Variants in VEPH1 observed in about 807,000 individuals in gnomAD.
VEPH1 encodes the protein ventricular zone-expressed PH domain-containing protein homolog 1.
Under a neutral mutation model 85.2 loss-of-function variants are expected in VEPH1, and 80 were observed. The ratio of observed to expected loss-of-function variants is 0.94; its 90% CI spans 0.78 to 1.13. VEPH1 has a LOEUF of 1.13. Among genes scored for constraint, VEPH1 ranks in the 50% most tolerant of loss-of-function variants. The pLI is 0.00. For synonymous variants in VEPH1, 297 were observed against 348.0 expected, an observed-to-expected ratio of 0.85 and a Z score of 1.63; for missense variants, 955 against 980.5, an observed-to-expected ratio of 0.97 and a Z score of 0.35.
At position 157,417,554 on chromosome 3, in the gene VEPH1, T is replaced by A. The variant is rs116345445; in HGVS notation, c.697-3464A>T. ...AATTTCTCATGGCCCATGGCCAAAATTCCAATGCTGTGGTATTCCAGATTC... is the reference window on the plus strand; with the variant it reads ...AATTTCTCATGGCCCATGGCCAAAAATCCAATGCTGTGGTATTCCAGATTC... On this transcript the variant is annotated intron_variant, in intron 5 of 13. Transcript: ENST00000362010. Among the ~76,000 whole-genome samples the A allele has an allele frequency of 2.5e-3, 378 of 152,308 alleles. 1 individual carries two copies. The highest frequency in any genetic ancestry group is 8.7e-3 in the African/African-American group (362 of 41,586).
intron 2 of VEPH1, among the ~76,000 whole-genome samples, chr3:157,492,305 C>T (rs901043152): frequency 3.9e-5 from 6 of 152,128 alleles, no homozygotes; most frequent in Admixed American, 1.3e-4. Flanking sequence ...AATTCTGATC[C>T]GTACGAGTTA....
chr3:157,368,298 GC>G (rs1397182717), intron 7 of VEPH1, among the ~76,000 whole-genome samples: 1 of 152,130 alleles, frequency 6.6e-6, no homozygotes, highest in Non-Finnish European at 1.5e-5. Context: ...ATGCATCAGA[GC>G]TTTAGTAGCT....
chr3:157,293,586 TA>T (rs1294834724), intron 11 of VEPH1, among the ~76,000 whole-genome samples: 1 of 151,284 alleles, frequency 6.6e-6, no homozygotes, highest in Non-Finnish European at 1.5e-5. Context: ...TATGACAAAA[TA>T]AAAAAAAGCC....
chr3:157,333,067 A>G (rs1431852002), intron 9 of VEPH1, among the ~76,000 whole-genome samples: 3 of 152,290 alleles, frequency 2.0e-5, no homozygotes, highest in East Asian at 3.9e-4. Flanking sequence ...ATATTTTTGG[A>G]TTGATTTCAA....
Position 157,428,422 on chromosome 3 carries a change from T to G in VEPH1, c.596A>C (p.His199Pro), listed in dbSNP as rs1577632082. ...CATCAAGGCCAGGAGTTCTGTCAGG[T>G]GTCTATTAATTGGCTGAGGCTGCTT... ...YEKQPQPINR[H>P]LTELLALMSQ... Residue 199 changes from histidine to proline, a missense_variant, in exon 5 of 14, where the codon CAC becomes CCC. Transcript: ENST00000362010. The G allele has an allele frequency of 6.2e-7, 1 of 1,614,138 alleles. No homozygotes were observed. The highest frequency in any genetic ancestry group is 8.5e-7 in the Non-Finnish European group (1 of 1,180,012).
intron 4 of VEPH1, chr3:157,437,540 A>T: frequency 6.2e-7 from 1 of 1,606,218 alleles, no homozygotes. Context: ...GGTCAGGAGC[A>T]CTCGGAATGG....
intron 4 of VEPH1, among the ~76,000 whole-genome samples, chr3:157,451,726 C>A (rs770920968): frequency 6.6e-6 from 1 of 152,094 alleles, no homozygotes; most frequent in Non-Finnish European, 1.5e-5. Flanking sequence ...GGCAAACACC[C>A]CTGCCACAGC....
intron 4 of VEPH1, 90 bp downstream of exon 4, chr3:157,460,091 G>A (rs1387380100): frequency 1.2e-6 from 2 of 1,612,008 alleles, no homozygotes; most frequent in Admixed American, 1.7e-5. Flanking sequence ...AATACTCTAG[G>A]TCTTGCTTCC....
intron 4 of VEPH1, among the ~76,000 whole-genome samples, chr3:157,431,731 G>T (rs1040828969): frequency 2.0e-5 from 3 of 151,600 alleles, no homozygotes; most frequent in African/African-American, 7.3e-5. Flanking sequence ...GCCAACATTT[G>T]GTTGTGACAG....
At chr3:157,372,288 A>G (rs891746330) in intron 7 of VEPH1, among the ~76,000 whole-genome samples, 5 of 152,222 alleles carry the variant, frequency 3.3e-5, no homozygotes, top group Admixed American at 1.3e-4. Flanking sequence ...TTACCCAGAA[A>G]TGGAGGATAT....
At chr3:157,492,783 T>C (rs1264336044) in intron 2 of VEPH1, among the ~76,000 whole-genome samples, 3 of 152,076 alleles carry the variant, frequency 2.0e-5, no homozygotes, top group Non-Finnish European at 4.4e-5. Context: ...AGAAAAAGTC[T>C]GAATAAGTAC....
In VEPH1 at chr3:157,369,194, A is replaced by AAAAAAAAAAAAAAC. The variant is rs1560001318; in HGVS notation, c.1128-4683_1128-4682insGTTTTTTTTTTTTT. Among the ~76,000 whole-genome samples, 36 of 145,036 alleles carry AAAAAAAAAAAAAAC rather than the reference A, an allele frequency of 2.5e-4. 2 individuals carry two copies. The highest frequency in any genetic ancestry group is 3.5e-3 in the Middle Eastern group (1 of 286). On this transcript the variant is annotated intron_variant, in intron 7 of 13. Transcript: ENST00000362010. ...AAAAACCAAATGAAAAAAAAAAAAA[A>AAAAAAAAAAAAAAC]AAAAAAAAAACCTCCTGAGGTCTAC...
At chr3:157,272,457 C>G (rs1343272193) in intron 12 of VEPH1, among the ~76,000 whole-genome samples, 2 of 117,258 alleles carry the variant, frequency 1.7e-5, no homozygotes, top group African/African-American at 3.3e-5. Flanking sequence ...CTCTCTCTTT[C>G]TTCTCCCTTT....
intron 4 of VEPH1, among the ~76,000 whole-genome samples, chr3:157,441,460 G>T (rs946856408): frequency 3.9e-5 from 6 of 152,154 alleles, no homozygotes; most frequent in African/African-American, 4.8e-5. Flanking sequence ...TTCAAAGGTA[G>T]TTTTCTAAAA....
chr3:157,472,707 T>G (rs1577741683), intron 2 of VEPH1, among the ~76,000 whole-genome samples: 1 of 152,164 alleles, frequency 6.6e-6, no homozygotes, highest in East Asian at 1.9e-4. Context: ...GTGTGTGTTG[T>G]TCCCCTCTGT....
intron 2 of VEPH1, among the ~76,000 whole-genome samples, 158 bp from the exon 3 acceptor site, chr3:157,470,687 A>T (rs1470512751): frequency 6.6e-6 from 1 of 152,080 alleles, no homozygotes; most frequent in East Asian, 1.9e-4. Context: ...CCTTCCTTGG[A>T]GATCCTAATC....
chr3:157,342,291 CAG>C (rs1040336667), intron 9 of VEPH1, among the ~76,000 whole-genome samples: 108 of 152,202 alleles, frequency 7.1e-4, no homozygotes, highest in African/African-American at 2.5e-3. Context: ...ATCTCATGTG[CAG>C]AGACACACAT....
chr3:157,428,370 G>T lies in VEPH1; in HGVS notation c.648C>A (p.Tyr216Ter). 6.2e-7 allele frequency: 1 copy of T among 1,614,118 alleles called. No individual in the cohort carries two copies. Among genetic ancestry groups the T allele is most frequent in the Non-Finnish European group, 8.5e-7 (1 of 1,180,022 alleles). The stretch of plus-strand genomic sequence containing the variant: ...CTACATGCAAAAGCCGTAGTAGATG[G>T]TACTGTTCTGGCTGTTCCAGCTGAG... ...LMSQLEQPEQ[Y>*]HLLRLLHVAA... The change falls in exon 5 of 14, where the codon TAC (tyrosine) becomes TAA (stop). Residue 216 changes from tyrosine to a stop codon, truncating the protein, a stop_gained. Transcript: ENST00000362010. LOFTEE classifies it high-confidence loss of function.
chr3:157,379,516 G>A (rs765447360), intron 7 of VEPH1, among the ~76,000 whole-genome samples: 1 of 152,110 alleles, frequency 6.6e-6, no homozygotes, highest in Non-Finnish European at 1.5e-5. Context: ...TGCACTTTTA[G>A]CACATCACAT....
Sources: allele counts gnomAD v4.1 joint callset (sites outside exome capture counted in the v4.1 genomes callset), GRCh38; gene constraint gnomAD v4.1.1; transcripts MANE v1.5; gene names NCBI Gene and HGNC (gene_info 2026-07-23, HGNC 2026-07-21).